NPAS3: variants seen among roughly 807,000 people sequenced by gnomAD.
NPAS3 encodes neuronal PAS domain-containing protein 3.
In NPAS3, 14 loss-of-function variants were observed where a neutral mutation model predicts 73.1. The ratio of observed to expected loss-of-function variants is 0.19; its 90% confidence interval spans 0.13 to 0.30. The LOEUF (loss-of-function observed/expected upper bound fraction) is 0.30, where lower values mean the gene tolerates loss of function less well. Ranked by LOEUF, NPAS3 falls within the 10% of genes least tolerant of loss-of-function variation. NPAS3 has a pLI of 1.00. For synonymous variants in NPAS3, 620 were observed against 541.5 expected (o/e 1.14, Z -2.01); for missense variants, 1,096 against 1,250.0 (o/e 0.88, Z 1.86).
At chr14:33,709,515 T>A (rs139412231) in intron 6 of NPAS3, among the ~76,000 whole-genome samples, 2 of 152,248 alleles carry the variant, frequency 1.3e-5, no homozygotes, top group East Asian at 3.9e-4. Flanking sequence ...CTGAATTGGA[T>A]GATGTCAGAG....
At chr14:33,656,934 T>C (rs564504482) in intron 5 of NPAS3, among the ~76,000 whole-genome samples, 2 of 152,310 alleles carry the variant, frequency 1.3e-5, no homozygotes, top group Admixed American at 1.3e-4. Flanking sequence ...TTCGTGTTCA[T>C]TGCAGCCTTA....
intron 3 of NPAS3, among the ~76,000 whole-genome samples, chr14:33,249,399 T>G (rs1395517859): frequency 6.6e-6 from 1 of 151,290 alleles, no homozygotes; most frequent in Non-Finnish European, 1.5e-5. Context: ...GTGGATGTCA[T>G]GGAATGCCTT....
chr14:33,578,312 G>A (rs1443088908), intron 5 of NPAS3: 3 of 444,128 alleles, frequency 6.8e-6, no homozygotes, highest in Admixed American at 2.4e-5. Context: ...TCCTGCCTCA[G>A]CCTCCTGAGT....
chr14:33,175,307 G>A (rs934529127), intron 2 of NPAS3, among the ~76,000 whole-genome samples: 2 of 151,996 alleles, frequency 1.3e-5, no homozygotes, highest in African/African-American at 4.8e-5. Flanking sequence ...TTTTTAGAAC[G>A]GGCAGAGTTG....
At chr14:33,320,859 A>G (rs1459577932) in intron 3 of NPAS3, among the ~76,000 whole-genome samples, 3 of 151,990 alleles carry the variant, frequency 2.0e-5, no homozygotes, top group African/African-American at 7.3e-5. Flanking sequence ...GGTGGGATAG[A>G]TGGTTAGATG....
intron 4 of NPAS3, among the ~76,000 whole-genome samples, chr14:33,511,797 C>T (rs940280043): frequency 2.6e-5 from 4 of 151,940 alleles, no homozygotes; most frequent in Non-Finnish European, 4.4e-5. Flanking sequence ...AATTTTTTTT[C>T]CATGGGACAT....
At chr14:33,284,960 C>G (rs1453721704) in intron 3 of NPAS3, among the ~76,000 whole-genome samples, 1 of 152,150 alleles carries the variant, frequency 6.6e-6, no homozygotes, top group Non-Finnish European at 1.5e-5. Flanking sequence ...CACGCTGTAA[C>G]CACTATGCTA....
At chr14:33,215,111 A>T in intron 2 of NPAS3, 71 bp from the exon 3 acceptor site, 1 of 1,465,724 alleles carries the variant, frequency 6.8e-7, no homozygotes, top group Non-Finnish European at 9.3e-7. Flanking sequence ...AGGAAATACA[A>T]AGAAAGCAGT....
chr14:33,600,411 C>T (rs902379124), intron 5 of NPAS3, among the ~76,000 whole-genome samples: 10 of 152,132 alleles, frequency 6.6e-5, no homozygotes, highest in East Asian at 1.9e-4. Context: ...TCATATTTTT[C>T]TGCCCCTTAA....
chr14:33,399,020 T>C (rs2047339722), intron 4 of NPAS3, among the ~76,000 whole-genome samples: 2 of 152,104 alleles, frequency 1.3e-5, no homozygotes, highest in African/African-American at 4.8e-5. Flanking sequence ...TATGAGAACA[T>C]TAAGAGTTCG....
chr14:33,368,627 T>C (rs1265177657), intron 4 of NPAS3, among the ~76,000 whole-genome samples: 3 of 152,230 alleles, frequency 2.0e-5, no homozygotes, highest in East Asian at 3.8e-4. Flanking sequence ...TAATATCTGT[T>C]AATATCTCAT....
At chr14:33,082,354 A>G (rs531849364) in intron 2 of NPAS3, among the ~76,000 whole-genome samples, 1 of 152,354 alleles carries the variant, frequency 6.6e-6, no homozygotes, top group South Asian at 2.1e-4. Flanking sequence ...TTGGAAGGCC[A>G]TTTAGACTTT....
At chr14:33,326,255 A>G (rs2043699924) in intron 3 of NPAS3, among the ~76,000 whole-genome samples, 1 of 152,216 alleles carries the variant, frequency 6.6e-6, no homozygotes, top group Non-Finnish European at 1.5e-5. Context: ...AAGGGAAAAA[A>G]GCAGAGAGAC....
At chr14:33,023,204 C>A (rs17099928) in intron 1 of NPAS3, among the ~76,000 whole-genome samples, 22,311 of 152,044 alleles carry the variant, frequency 0.15, 1,899 homozygotes, top group East Asian at 0.28. Context: ...CTGACACAAA[C>A]GGTTTGACAA....
Position 33,629,553 on chromosome 14 carries a change from A to G in NPAS3, c.559-46658A>G, listed in dbSNP as rs543373351. On this transcript the variant is annotated intron_variant, in intron 5 of 11. Coordinates refer to ENST00000356141, the Ensembl canonical transcript of NPAS3. ...ATAGCAGTGAGGCTTGTACTCCTCA[A>G]TGGTTTTTTTTGTTGTTTTTGTTTT... 3.3e-3 allele frequency among the ~76,000 whole-genome samples: 506 copies of G among 151,236 alleles called. 4 individuals are homozygous for G. Among genetic ancestry groups the G allele is most frequent in the African/African-American group, 0.012 (491 of 40,976 alleles).
chr14:33,531,873 T>C (rs955162620), intron 4 of NPAS3, among the ~76,000 whole-genome samples: 2 of 152,096 alleles, frequency 1.3e-5, no homozygotes, highest in Admixed American at 1.3e-4. Flanking sequence ...TTCTGATAGG[T>C]GTGTGCTGGT....
intron 2 of NPAS3, among the ~76,000 whole-genome samples, chr14:33,175,245 A>G (rs1471268379): frequency 6.6e-6 from 1 of 152,136 alleles, no homozygotes; most frequent in African/African-American, 2.4e-5. Context: ...TTTTTGTTGT[A>G]CTTTTCTAGA....
intron 6 of NPAS3, among the ~76,000 whole-genome samples, chr14:33,678,267 GTTATGCCTGATATGGAGCCC>G (rs1456037598): frequency 6.6e-6 from 1 of 152,204 alleles, no homozygotes; most frequent in Non-Finnish European, 1.5e-5. Flanking sequence ...CTCGTAGATA[GTTATGCCTGATATGGAGCCC>G]AAATCTGCTT....
chr14:33,754,957 G>C (rs1370841227), intron 7 of NPAS3, among the ~76,000 whole-genome samples: 1 of 152,220 alleles, frequency 6.6e-6, no homozygotes, highest in Non-Finnish European at 1.5e-5. Context: ...TCTTTAGATA[G>C]GGACAGTGAG....
Sources: allele counts gnomAD v4.1 joint callset (sites outside exome capture counted in the v4.1 genomes callset), GRCh38; gene constraint gnomAD v4.1.1; transcripts MANE v1.5; gene names NCBI Gene and HGNC (gene_info 2026-07-23, HGNC 2026-07-21).